Variants in BCKDHB observed in about 807,000 individuals in gnomAD.
BCKDHB encodes the protein branched chain keto acid dehydrogenase E1 subunit beta, also known as 2-oxoisovalerate dehydrogenase subunit beta, mitochondrial.
BCKDHB carries 41 observed loss-of-function variants against 48.5 expected under a neutral mutation model. That is an observed-to-expected ratio of 0.85 (90% CI 0.66 to 1.10). The LOEUF (loss-of-function observed/expected upper bound fraction) is 1.10, where lower values mean the gene tolerates loss of function less well. Ranked by LOEUF, BCKDHB falls within the 50% of genes least tolerant of loss-of-function variation. The pLI, the probability that BCKDHB is intolerant of heterozygous loss-of-function variation, is 0.00. For missense variants in BCKDHB, 496 were observed against 494.2 expected (o/e 1.00, Z -0.03); for synonymous variants, 201 against 174.8 (o/e 1.15, Z -1.18).
chr6:80,234,456 G>C (rs2127896232), intron 8 of BCKDHB, among the ~76,000 whole-genome samples: 1 of 152,210 alleles, frequency 6.6e-6, no homozygotes, highest in East Asian at 1.9e-4. Flanking sequence ...TGGGATAAAG[G>C]TTTTGAACTT....
chr6:80,339,755 T>G (rs370233694), intron 9 of BCKDHB, among the ~76,000 whole-genome samples: 1 of 152,208 alleles, frequency 6.6e-6, no homozygotes, highest in Non-Finnish European at 1.5e-5. Flanking sequence ...AGACTGAACT[T>G]AACTCATATG....
At chr6:80,285,594 AAAACAAAC>A (rs144765828) in intron 9 of BCKDHB, among the ~76,000 whole-genome samples, 5 of 152,070 alleles carry the variant, frequency 3.3e-5, no homozygotes, top group African/African-American at 1.2e-4. Context: ...CTGCCTTTAA[AAAACAAAC>A]AAACAAACAA....
At position 80,202,435 on chromosome 6, in the gene BCKDHB, C is replaced by A. The variant is rs79020840; in HGVS notation, c.841-667C>A. Among the ~76,000 whole-genome samples, 959 of 152,222 alleles carry A rather than the reference C, an allele frequency of 6.3e-3. 7 individuals carry two copies. The highest frequency in any genetic ancestry group is 0.011 in the Non-Finnish European group (716 of 67,996). On this transcript the variant is annotated intron_variant, in intron 7 of 9. Transcript: ENST00000320393. ...CCCTCCTTTTAACACTGAACTTGAA[C>A]AACTGTTTTCTAGTGTCTGTATTTA...
chr6:80,113,556 AG>A (rs1769527529), intron 1 of BCKDHB, among the ~76,000 whole-genome samples: 1 of 152,224 alleles, frequency 6.6e-6, no homozygotes, highest in Non-Finnish European at 1.5e-5. Flanking sequence ...AAGAGAAAAA[AG>A]CATTCCCCTG....
the BCKDHB span, among the ~76,000 whole-genome samples, chr6:80,429,514 G>T: frequency 6.6e-6 from 1 of 152,160 alleles, no homozygotes; most frequent in Non-Finnish European, 1.5e-5. Flanking sequence ...AGCATGGAAT[G>T]CTTTTCCATT....
intron 8 of BCKDHB, among the ~76,000 whole-genome samples, chr6:80,262,231 T>C (rs532004889): frequency 6.6e-6 from 1 of 152,282 alleles, no homozygotes; most frequent in East Asian, 1.9e-4. Flanking sequence ...AAAGGCAGTA[T>C]TTCTAAAGTG....
intron 8 of BCKDHB, among the ~76,000 whole-genome samples, chr6:80,219,114 T>C (rs1300046822): frequency 6.6e-6 from 1 of 152,242 alleles, no homozygotes; most frequent in African/African-American, 2.4e-5. Flanking sequence ...TTTTTTAGTT[T>C]TAATTACCTT....
At chr6:80,254,614 T>C (rs1283775471) in intron 8 of BCKDHB, among the ~76,000 whole-genome samples, 1 of 152,090 alleles carries the variant, frequency 6.6e-6, no homozygotes, top group Non-Finnish European at 1.5e-5. Flanking sequence ...GCTGGAAAAT[T>C]ACTTGAGCCC....
At chr6:80,165,760 G>A (rs1772538720) in intron 3 of BCKDHB, among the ~76,000 whole-genome samples, 1 of 152,102 alleles carries the variant, frequency 6.6e-6, no homozygotes, top group African/African-American at 2.4e-5. Flanking sequence ...TAATTTGAAG[G>A]GTCTCAAACT....
chr6:80,368,456 T>G, the BCKDHB span, among the ~76,000 whole-genome samples: 1 of 152,218 alleles, frequency 6.6e-6, no homozygotes, highest in South Asian at 2.1e-4. Flanking sequence ...CCCATATCCT[T>G]ATTTCTTTTC....
At chr6:80,124,445 C>T (rs1050112602) in intron 1 of BCKDHB, among the ~76,000 whole-genome samples, 4 of 151,986 alleles carry the variant, frequency 2.6e-5, no homozygotes, top group Middle Eastern at 3.4e-3. Flanking sequence ...TCCTGGATAT[C>T]CTTGTTAACC....
At chr6:80,116,839 T>A (rs1054546413) in intron 1 of BCKDHB, among the ~76,000 whole-genome samples, 1 of 152,224 alleles carries the variant, frequency 6.6e-6, no homozygotes, top group Admixed American at 6.5e-5. Flanking sequence ...TTAATAAATT[T>A]TTAGTGATGT....
chr6:80,401,620 G>A, the BCKDHB span, among the ~76,000 whole-genome samples: 4 of 151,638 alleles, frequency 2.6e-5, no homozygotes, highest in African/African-American at 9.7e-5. Flanking sequence ...ATGGACTAAT[G>A]CATTAAGTAT....
At chr6:80,296,492 C>G (rs1055421436) in intron 9 of BCKDHB, among the ~76,000 whole-genome samples, 5 of 152,090 alleles carry the variant, frequency 3.3e-5, no homozygotes, top group African/African-American at 9.7e-5. Context: ...AACATCACTC[C>G]TGTATGATTT....
chr6:80,131,681 C>T (rs1019155616), intron 3 of BCKDHB, among the ~76,000 whole-genome samples: 1 of 151,270 alleles, frequency 6.6e-6, no homozygotes, highest in Non-Finnish European at 1.5e-5. Context: ...CTCGCTCTAT[C>T]GCCCAGGCTG....
intron 9 of BCKDHB, among the ~76,000 whole-genome samples, chr6:80,286,532 C>G (rs9352807): frequency 1.3e-5 from 2 of 152,298 alleles, no homozygotes; most frequent in East Asian, 3.9e-4. Context: ...AGGCTTGGCT[C>G]ACTGACTACC....
At chr6:80,298,562 C>T (rs1767386418) in intron 9 of BCKDHB, among the ~76,000 whole-genome samples, 1 of 152,172 alleles carries the variant, frequency 6.6e-6, no homozygotes, top group Non-Finnish European at 1.5e-5. Flanking sequence ...AAAGGTAGAA[C>T]AGATATCAAA....
chr6:80,450,041 A>G, the BCKDHB span, among the ~76,000 whole-genome samples: 1 of 152,146 alleles, frequency 6.6e-6, no homozygotes, highest in Admixed American at 6.5e-5. Flanking sequence ...ATTGCAGTCA[A>G]TAGTCTTCTT....
At chr6:80,119,410 C>A (rs980817508) in intron 1 of BCKDHB, among the ~76,000 whole-genome samples, 2 of 152,084 alleles carry the variant, frequency 1.3e-5, no homozygotes, top group African/African-American at 4.8e-5. Context: ...CCTCTACCTC[C>A]TGGGTTCAAG....
Sources: allele counts gnomAD v4.1 joint callset (sites outside exome capture counted in the v4.1 genomes callset), GRCh38; gene constraint gnomAD v4.1.1; transcripts MANE v1.5; gene names NCBI Gene and HGNC (gene_info 2026-07-23, HGNC 2026-07-21).